DNA2: variants seen among roughly 807,000 people sequenced by gnomAD.
DNA2 encodes the protein DNA replication helicase/nuclease 2.
A neutral mutation model predicts 119.1 loss-of-function variants in DNA2; 101 were observed. The observed-to-expected ratio is 0.85, with a 90% CI of 0.72 to 1.00. The LOEUF (loss-of-function observed/expected upper bound fraction) is 1.00, where lower values mean the gene tolerates loss of function less well. Among genes scored for constraint, DNA2 ranks in the 50% least tolerant of loss-of-function variants. The pLI, the probability that DNA2 is intolerant of heterozygous loss-of-function variation, is 0.00. For synonymous variants in DNA2, 366 were observed against 424.4 expected (o/e 0.86, Z 1.69); for missense variants, 1,121 against 1,255.5 (o/e 0.89, Z 1.62).
Position 68,457,130 on chromosome 10 carries a change from T to G in DNA2, c.719+1974A>C, listed in dbSNP as rs567037407. On this transcript the variant is annotated intron_variant, in intron 5 of 20. Transcript: ENST00000358410. ...GCCTGGGCAACAGAGCGAGACTCCA[T>G]CTCAAAAAAAAAAAAAAATGGAAAT... Among the ~76,000 whole-genome samples the G allele has an allele frequency of 5.3e-3, 767 of 144,996 alleles. 13 individuals carry two copies. Among genetic ancestry groups the G allele is most frequent in the African/African-American group, 0.019 (715 of 37,896 alleles).
intron 6 of DNA2, among the ~76,000 whole-genome samples, chr10:68,449,078 C>T (rs902227755): frequency 6.6e-6 from 1 of 151,988 alleles, no homozygotes; most frequent in South Asian, 2.1e-4. Context: ...GGATTACAGG[C>T]GTGAGCCACT....
chr10:68,432,974 C>T (rs193050839), intron 10 of DNA2, among the ~76,000 whole-genome samples: 9 of 152,268 alleles, frequency 5.9e-5, no homozygotes, highest in Admixed American at 1.3e-4. Flanking sequence ...GTCCCAGGCC[C>T]TCACGTGCCT....
intron 9 of DNA2, among the ~76,000 whole-genome samples, chr10:68,442,250 G>A (rs901270333): frequency 3.2e-4 from 48 of 148,584 alleles, no homozygotes; most frequent in African/African-American, 1.1e-3. Flanking sequence ...ACAGAGTCTC[G>A]CTCTGTCACC....
chr10:68,417,407 A>AAC (rs1361995369), intron 19 of DNA2, among the ~76,000 whole-genome samples: 5 of 150,936 alleles, frequency 3.3e-5, no homozygotes, highest in Non-Finnish European at 7.4e-5. Context: ...AAAAAAAAAA[A>AAC]AAAAACACTA....
rs147469813 is a variant in DNA2, at chr10:68,438,620, C to T, written c.1416-1379G>A. Among the ~76,000 whole-genome samples the T allele has an allele frequency of 3.7e-3, 566 of 152,188 alleles. 9 individuals are homozygous for T. Among genetic ancestry groups the T allele is most frequent in the African/African-American group, 0.013 (532 of 41,518 alleles). On this transcript the variant is annotated intron_variant, in intron 9 of 20. Transcript: ENST00000358410. The stretch of plus-strand genomic sequence containing the variant: ...AGTATTTATATATGTATGACAGATT[C>T]GCTACATATATGCAGTCTAACTACA...
chr10:68,458,390 G>A (rs751998963), intron 5 of DNA2, among the ~76,000 whole-genome samples: 4 of 151,662 alleles, frequency 2.6e-5, no homozygotes, highest in South Asian at 2.1e-4. Flanking sequence ...AAAATTAGCC[G>A]GGTATGGTGG....
rs181679245 is a variant in DNA2, at chr10:68,419,877, G to T, written c.2713C>A (p.Gln905Lys). 11,215 of 1,613,568 alleles carry T rather than the reference G, an allele frequency of 7.0e-3. 50 individuals are homozygous for T. Among genetic ancestry groups the T allele is most frequent in the Non-Finnish European group, 8.9e-3 (10,509 of 1,179,588 alleles). The change falls in exon 18 of 21, where the codon CAA becomes AAA. Residue 905 changes from glutamine (Q) to lysine (K), a missense_variant. Gln to Lys is a moderately conservative substitution (Grantham distance 53). Coordinates refer to ENST00000358410, the MANE Select transcript of DNA2 (RefSeq NM_001080449.3). ...LNTDKVPAPEQVEKGGVSNVT... is the reference protein window; with the variant it reads ...LNTDKVPAPEKVEKGGVSNVT... ...TTGCTCACACCACCTTTTTCAACTT[G>T]TTCTGGCGCTGGAACCTAAGTGGAA...
chr10:68,422,964 T>C (rs2051686497), intron 14 of DNA2, 74 bp from the exon 15 acceptor site: 24 of 1,168,440 alleles, frequency 2.1e-5, no homozygotes, highest in Middle Eastern at 2.7e-4. Flanking sequence ...ATTTTTGAAA[T>C]GAAAAGATCA....
chr10:68,425,905 T>C (rs2051734732), intron 14 of DNA2, among the ~76,000 whole-genome samples: 1 of 151,016 alleles, frequency 6.6e-6, no homozygotes, highest in Admixed American at 6.6e-5. Flanking sequence ...GAGGGCAAGA[T>C]GGGTGAATCA....
At chr10:68,432,781 C>G (rs1335220932) in intron 10 of DNA2, among the ~76,000 whole-genome samples, 1 of 152,132 alleles carries the variant, frequency 6.6e-6, no homozygotes, top group Non-Finnish European at 1.5e-5. Context: ...CCCTTGCAGT[C>G]GAACACGGGT....
intron 14 of DNA2, among the ~76,000 whole-genome samples, chr10:68,423,287 A>T (rs780586009): frequency 1.3e-4 from 11 of 86,888 alleles, no homozygotes; most frequent in Non-Finnish European, 1.9e-4. Flanking sequence ...CATTATATAT[A>T]AAAAAAAAAA....
At chr10:68,453,717 C>T (rs1378410106) in intron 5 of DNA2, among the ~76,000 whole-genome samples, 1 of 152,128 alleles carries the variant, frequency 6.6e-6, no homozygotes, top group Non-Finnish European at 1.5e-5. Flanking sequence ...GTATTCAGTA[C>T]AGTAACATGT....
chr10:68,453,313 ACTGAC>A (rs1248337522), intron 5 of DNA2, among the ~76,000 whole-genome samples: 4 of 152,194 alleles, frequency 2.6e-5, no homozygotes, highest in African/African-American at 9.6e-5. Flanking sequence ...TTCCTTTATG[ACTGAC>A]CTTTTAAAAC....
At chr10:68,418,665 C>T (rs915549257) in intron 19 of DNA2, among the ~76,000 whole-genome samples, 3 of 146,848 alleles carry the variant, frequency 2.0e-5, no homozygotes, top group South Asian at 2.2e-4. Flanking sequence ...AATGTTAAAC[C>T]GCAATTTTTT....
chr10:68,468,619 G>A (rs931363724), intron 2 of DNA2, among the ~76,000 whole-genome samples: 8 of 152,176 alleles, frequency 5.3e-5, no homozygotes, highest in Non-Finnish European at 7.3e-5. Context: ...CTTTGCTAAT[G>A]TAATATATAG....
Position 68,445,096 on chromosome 10 carries a change from AG to A in DNA2, c.1058-14del, listed in dbSNP as rs1459958375. The A allele has an allele frequency of 9.5e-6, 15 of 1,580,856 alleles. No individual in the cohort carries two copies. Among genetic ancestry groups the A allele is most frequent in the Non-Finnish European group, 1.3e-5 (15 of 1,162,586 alleles). On this transcript the variant is annotated splice_polypyrimidine_tract_variant and intron_variant, in intron 7 of 20. Transcript: ENST00000358410. ...AGCTTTAATAATTCTATGAAAAAAA[AG>A]GTGAATGTCTTTTTAAGAGTTAAAT...
chr10:68,431,757 A>G, intron 13 of DNA2, 105 bp downstream of exon 13: 1 of 699,364 alleles, frequency 1.4e-6, no homozygotes, highest in Non-Finnish European at 2.4e-6. Context: ...AAACAAAGAC[A>G]CTGAATTAAA....
At chr10:68,451,773 T>C (rs1157380471) in intron 5 of DNA2, among the ~76,000 whole-genome samples, 2 of 151,826 alleles carry the variant, frequency 1.3e-5, no homozygotes, top group East Asian at 1.9e-4. Context: ...TTTTTTTTAA[T>C]AGAGACAGGC....
At position 68,445,138 on chromosome 10, in the gene DNA2, T is replaced by C. The variant is rs1472150696; in HGVS notation, c.1058-55A>G. ...AGAGTTAAATAAAGTTTATCATGTC[T>C]TTTTCACTACATATGTAAAACTTGC... On this transcript the variant is annotated intron_variant, in intron 7 of 20. Coordinates refer to ENST00000358410, the MANE Select transcript of DNA2 (RefSeq NM_001080449.3). 2.7e-6 allele frequency: 4 copies of C among 1,466,048 alleles called. No individual in the cohort carries two copies. In the East Asian group the frequency reaches 9.1e-5, roughly 34 times the overall value. 90.8% of individuals were successfully genotyped at this position (1,466,048 alleles called of 1,614,324 possible). A position where few individuals can be genotyped will look rare whatever the true frequency, so the allele number is the denominator to read the frequency against.
Sources: gnomAD v4.1 joint callset for allele counts (sites outside exome capture counted in the v4.1 genomes callset) on GRCh38, gnomAD v4.1.1 for gene constraint, MANE v1.5 for transcripts, NCBI Gene and HGNC (gene_info 2026-07-23, HGNC 2026-07-21) for gene names.